Variants in DLGAP1 observed in about 807,000 individuals in gnomAD.
DLGAP1 encodes the protein DLG associated protein 1.
Under a neutral mutation model 90.8 loss-of-function variants are expected in DLGAP1, and 11 were observed. The ratio of observed to expected loss-of-function variants is 0.12; its 90% CI spans 0.08 to 0.20. The LOEUF (loss-of-function observed/expected upper bound fraction) is 0.20. Ranked by LOEUF, DLGAP1 falls within the 10% of genes least tolerant of loss-of-function variation. The pLI is 1.00. For synonymous variants in DLGAP1, 558 were observed against 540.7 expected (o/e 1.03, Z -0.44); for missense variants, 1,050 against 1,333.8 (o/e 0.79, Z 3.31).
chr18:3,588,338 A>G (rs1470845403), intron 7 of DLGAP1, among the ~76,000 whole-genome samples: 1 of 152,176 alleles, frequency 6.6e-6, no homozygotes, highest in Admixed American at 6.5e-5. Flanking sequence ...ACATGCATCT[A>G]ACCCCAGCTA....
At chr18:3,624,828 A>C (rs2058231894) in intron 7 of DLGAP1, among the ~76,000 whole-genome samples, 1 of 152,180 alleles carries the variant, frequency 6.6e-6, no homozygotes, top group African/African-American at 2.4e-5. Flanking sequence ...CCCAGGGGGA[A>C]TCTCAAGAGC....
chr18:3,637,265 A>C (rs1285500806), intron 7 of DLGAP1, among the ~76,000 whole-genome samples: 1 of 152,028 alleles, frequency 6.6e-6, no homozygotes, highest in African/African-American at 2.4e-5. Flanking sequence ...TTTCTTCCTA[A>C]TTTTAAGACC....
chr18:3,776,911 C>T (rs1166682393), intron 5 of DLGAP1, among the ~76,000 whole-genome samples: 1 of 152,172 alleles, frequency 6.6e-6, no homozygotes, highest in Non-Finnish European at 1.5e-5. Context: ...CCACCTCAGC[C>T]TCATGAGCAG....
At chr18:4,090,297 A>T (rs917296078) in intron 2 of DLGAP1, among the ~76,000 whole-genome samples, 13 of 152,174 alleles carry the variant, frequency 8.5e-5, no homozygotes, top group African/African-American at 3.1e-4. Context: ...AACTATCATC[A>T]GAGTGAACAG....
intron 9 of DLGAP1, 40 bp from the exon 10 acceptor site, chr18:3,534,655 TTC>T (rs1167507940): frequency 2.7e-6 from 4 of 1,475,916 alleles, no homozygotes; most frequent in Non-Finnish European, 3.6e-6. Context: ...TAGAGGATAT[TTC>T]TTTCTTTCCT....
intron 1 of DLGAP1, chr18:4,430,496 G>A (rs2083261959): frequency 8.8e-6 from 1 of 113,200 alleles, no homozygotes; most frequent in Non-Finnish European, 1.8e-5. Flanking sequence ...AAATAGTCTT[G>A]TGTGTCTGTG....
intron 1 of DLGAP1, among the ~76,000 whole-genome samples, chr18:4,321,785 G>A (rs1011701466): frequency 1.3e-5 from 2 of 152,202 alleles, no homozygotes; most frequent in South Asian, 4.1e-4. Context: ...TGAGGCAGGA[G>A]AAGTAAATTA....
chr18:4,036,006 T>C (rs1397583401), intron 2 of DLGAP1, among the ~76,000 whole-genome samples: 1 of 152,050 alleles, frequency 6.6e-6, no homozygotes, highest in Admixed American at 6.5e-5. Context: ...CGGGAAAACC[T>C]ACAGGTATCA....
chr18:3,821,940 C>T, intron 4 of DLGAP1: 1 of 985,132 alleles, frequency 1.0e-6, no homozygotes, highest in Non-Finnish European at 1.2e-6. Context: ...CTTTTCTGCT[C>T]CACACAGCTT....
intron 4 of DLGAP1, among the ~76,000 whole-genome samples, chr18:3,817,946 A>T (rs75582642): frequency 0.035 from 5,318 of 152,262 alleles, 135 homozygotes; most frequent in Non-Finnish European, 0.052. Flanking sequence ...GGTAGAAGGA[A>T]AGCTGGAGCA....
chr18:4,345,335 A>G (rs1354120999), intron 1 of DLGAP1, among the ~76,000 whole-genome samples: 9 of 152,200 alleles, frequency 5.9e-5, no homozygotes, highest in Non-Finnish European at 8.8e-5. Flanking sequence ...TGACTAGAGT[A>G]AAACTGGCAA....
At chr18:3,952,641 A>G (rs1303904436) in intron 3 of DLGAP1, among the ~76,000 whole-genome samples, 1 of 152,240 alleles carries the variant, frequency 6.6e-6, no homozygotes, top group Non-Finnish European at 1.5e-5. Flanking sequence ...AGTGGAGAGA[A>G]AAGGGTAAAT....
rs2071312353 is a variant in DLGAP1 at position 3,886,321 on chromosome 18, G to C, written c.-72-6181C>G. ...TACCTAGTCATGTATATATTTCTGG[G>C]GTACATGAGATATTTTGATACAGGC... On this transcript the variant is annotated intron_variant, in intron 3 of 12. Coordinates refer to ENST00000315677, the MANE Select transcript of DLGAP1 (RefSeq NM_004746.4). 4.6e-5 allele frequency among the ~76,000 whole-genome samples: 7 copies of C among 151,768 alleles called. No individual in the cohort carries two copies. The South Asian group carries it at 1.5e-3, about 32-fold the overall frequency.
chr18:4,124,711 C>A (rs2076206025), intron 2 of DLGAP1, among the ~76,000 whole-genome samples: 1 of 152,142 alleles, frequency 6.6e-6, no homozygotes. Context: ...TTGACTCATT[C>A]AATACTTTTT....
intron 1 of DLGAP1, among the ~76,000 whole-genome samples, chr18:4,328,640 G>A (rs1167770366): frequency 6.6e-6 from 1 of 151,906 alleles, no homozygotes; most frequent in Admixed American, 6.6e-5. Context: ...CCAGTAAGTT[G>A]TACCATTGTG....
chr18:4,258,581 T>C (rs924146600), intron 1 of DLGAP1, among the ~76,000 whole-genome samples: 7 of 151,926 alleles, frequency 4.6e-5, no homozygotes, highest in Non-Finnish European at 7.4e-5. Flanking sequence ...AAGAAAAATA[T>C]AAACACCAAA....
In DLGAP1 at chr18:3,496,585, CT is replaced by C. The variant is rs1428830287; in HGVS notation, c.*2599del. ...GACAAACTTCTTTTGTAATCCCCCC[CT>C]CCCCAAGAAAATGCCCAACACCTTT... On this transcript the variant is annotated 3_prime_UTR_variant, in exon 13 of 13. Transcript: ENST00000315677. The C allele has an allele frequency of 1.3e-5, 2 of 152,104 alleles. No individual in the cohort carries two copies. The highest frequency in any genetic ancestry group is 2.9e-5 in the Non-Finnish European group (2 of 68,026). The allele number at this position is 152,104 out of a possible 1,614,324, so 9.4% of individuals were successfully genotyped here.
intron 1 of DLGAP1, among the ~76,000 whole-genome samples, chr18:4,321,408 T>C (rs2080682823): frequency 6.6e-6 from 1 of 152,218 alleles, no homozygotes; most frequent in Admixed American, 6.5e-5. Context: ...CAGCTTCAAG[T>C]CTGAGCATGA....
chr18:3,892,769 G>C (rs1318334009), intron 3 of DLGAP1, among the ~76,000 whole-genome samples: 5 of 151,938 alleles, frequency 3.3e-5, no homozygotes, highest in Non-Finnish European at 5.9e-5. Flanking sequence ...AGGAGGTGTA[G>C]CTGGCTCAGA....
Sources: allele counts gnomAD v4.1 joint callset (sites outside exome capture counted in the v4.1 genomes callset), GRCh38; gene constraint gnomAD v4.1.1; transcripts MANE v1.5; gene names NCBI Gene and HGNC (gene_info 2026-07-23, HGNC 2026-07-21).